The following SNX29 variants were observed in gnomAD, a reference collection of about 807,000 sequenced individuals.
SNX29 encodes sorting nexin 29, also known as sorting nexin-29.
A neutral mutation model predicts 102.1 loss-of-function variants in SNX29; 78 were observed. The ratio of observed to expected loss-of-function variants is 0.76; its 90% confidence interval spans 0.64 to 0.92. The LOEUF (loss-of-function observed/expected upper bound fraction) is 0.92, where lower values mean the gene tolerates loss of function less well. Among genes scored for constraint, SNX29 ranks in the 40% least tolerant of loss-of-function variants. The probability of loss-of-function intolerance (pLI) is 0.00; values close to 1 mark genes in which losing one functional copy is unlikely to be tolerated. For missense variants in SNX29, 1,280 were observed against 1,061.7 expected, an observed-to-expected ratio of 1.21 and a Z score of -2.86; for synonymous variants, 580 against 414.5, an observed-to-expected ratio of 1.40 and a Z score of -4.85.
intron 18 of SNX29, among the ~76,000 whole-genome samples, chr16:12,462,187 C>T (rs2086836999): frequency 6.6e-6 from 1 of 151,444 alleles, no homozygotes. Context: ...AGCTCTCAGT[C>T]CTGGCCCTGC....
intron 13 of SNX29, among the ~76,000 whole-genome samples, chr16:12,179,413 A>G (rs543927178): frequency 1.3e-5 from 2 of 152,362 alleles, no homozygotes; most frequent in Admixed American, 1.3e-4. Flanking sequence ...TGAGCCCAGG[A>G]GTTGGAGGCT....
intron 19 of SNX29, among the ~76,000 whole-genome samples, chr16:12,499,056 C>A (rs2088974963): frequency 6.6e-6 from 1 of 152,180 alleles, no homozygotes; most frequent in Non-Finnish European, 1.5e-5. Flanking sequence ...CTGCTTAATT[C>A]TCATTTCCAC....
At chr16:12,526,740 G>A (rs2076794332) in intron 20 of SNX29, 2 of 455,118 alleles carry the variant, frequency 4.4e-6, no homozygotes, top group South Asian at 2.0e-5. Flanking sequence ...TGCTGAGAGT[G>A]TGAGCAGGAG....
At chr16:12,525,458 A>G (rs1365476262) in intron 20 of SNX29, among the ~76,000 whole-genome samples, 1 of 152,164 alleles carries the variant, frequency 6.6e-6, no homozygotes, top group Non-Finnish European at 1.5e-5. Flanking sequence ...GGATCACCTG[A>G]GGTCGGGAGT....
intron 6 of SNX29, among the ~76,000 whole-genome samples, chr16:12,048,005 C>G (rs1448951089): frequency 6.6e-6 from 1 of 152,088 alleles, no homozygotes; most frequent in African/African-American, 2.4e-5. Flanking sequence ...GATTCACTCC[C>G]AGGCAGCCTG....
intron 20 of SNX29, among the ~76,000 whole-genome samples, chr16:12,537,162 T>G (rs560017760): frequency 2.0e-5 from 3 of 152,288 alleles, no homozygotes; most frequent in African/African-American, 7.2e-5. Context: ...TGGGATCTTG[T>G]TAGCATAAAG....
chr16:12,143,589 G>C (rs192011042), intron 13 of SNX29, among the ~76,000 whole-genome samples: 72 of 152,304 alleles, frequency 4.7e-4, no homozygotes, highest in African/African-American at 1.7e-3. Flanking sequence ...CCCTCCCTTA[G>C]AGAGAGGATG....
intron 20 of SNX29, among the ~76,000 whole-genome samples, chr16:12,568,044 G>T (rs11643626): frequency 0.27 from 41,704 of 151,934 alleles, 6,098 homozygotes; most frequent in East Asian, 0.43. Flanking sequence ...CTAGCCTAGG[G>T]CCTGATTATT....
chr16:12,485,554 C>T (rs1276951721), intron 19 of SNX29, among the ~76,000 whole-genome samples: 1 of 152,144 alleles, frequency 6.6e-6, no homozygotes. Flanking sequence ...GTGGGAAGCC[C>T]CTTTGCAACT....
chr16:12,420,571 C>G (rs1478463736), intron 18 of SNX29, among the ~76,000 whole-genome samples: 2 of 152,144 alleles, frequency 1.3e-5, no homozygotes, highest in Non-Finnish European at 2.9e-5. Context: ...AACCCGAGTT[C>G]ACACCTGTAT....
intron 19 of SNX29, among the ~76,000 whole-genome samples, chr16:12,498,883 G>A (rs1408174614): frequency 2.0e-5 from 3 of 152,152 alleles, no homozygotes; most frequent in Admixed American, 6.5e-5. Flanking sequence ...GAGATGGTAG[G>A]TTTTTCAGAA....
chr16:12,390,149 G>GGTGTGTGGGT (rs2083474149), intron 16 of SNX29, among the ~76,000 whole-genome samples: 1 of 145,588 alleles, frequency 6.9e-6, no homozygotes, highest in African/African-American at 2.5e-5. Context: ...GCAATTGAGG[G>GGTGTGTGGGT]GTGTGTGTGT....
chr16:12,514,499 C>T (rs578253790), intron 19 of SNX29, among the ~76,000 whole-genome samples: 1 of 152,174 alleles, frequency 6.6e-6, no homozygotes, highest in Admixed American at 6.6e-5. Flanking sequence ...GTTTCTACCC[C>T]CCAACTAAGG....
chr16:12,114,504 T>A (rs1402287742), intron 11 of SNX29, among the ~76,000 whole-genome samples: 1 of 152,104 alleles, frequency 6.6e-6, no homozygotes, highest in Non-Finnish European at 1.5e-5. Flanking sequence ...ACAGTGAGTA[T>A]CACTGTGGTT....
chr16:12,544,581 G>C (rs1240511244), intron 20 of SNX29, among the ~76,000 whole-genome samples: 2 of 152,158 alleles, frequency 1.3e-5, no homozygotes, highest in Admixed American at 6.5e-5. Context: ...TGTTCTGCAG[G>C]CATTTCTTAA....
chr16:12,541,726 C>A (rs79440189), intron 20 of SNX29, among the ~76,000 whole-genome samples: 1 of 152,132 alleles, frequency 6.6e-6, no homozygotes, highest in South Asian at 2.1e-4. Context: ...CTGTCACCTC[C>A]TGTCTTTTCC....
At chr16:11,998,395 A>G (rs1446579414) in intron 1 of SNX29, among the ~76,000 whole-genome samples, 1 of 152,212 alleles carries the variant, frequency 6.6e-6, no homozygotes. Context: ...ATGGAAGTTC[A>G]GCATATGTCA....
At chr16:12,427,319 T>G (rs2085121304) in intron 18 of SNX29, among the ~76,000 whole-genome samples, 1 of 152,076 alleles carries the variant, frequency 6.6e-6, no homozygotes, top group Non-Finnish European at 1.5e-5. Context: ...TGTTAAAACC[T>G]CTTATTTTTA....
At chr16:12,198,871 T>A (rs182823760) in intron 13 of SNX29, among the ~76,000 whole-genome samples, 2 of 152,376 alleles carry the variant, frequency 1.3e-5, no homozygotes, top group Admixed American at 1.3e-4. Flanking sequence ...GCATGCTTGG[T>A]TCAAAGAGAC....
Sources: gnomAD v4.1 joint callset for allele counts (sites outside exome capture counted in the v4.1 genomes callset) on GRCh38, gnomAD v4.1.1 for gene constraint, MANE v1.5 for transcripts, NCBI Gene and HGNC (gene_info 2026-07-23, HGNC 2026-07-21) for gene names.